Variants in DPP6 observed in about 807,000 individuals in gnomAD.
DPP6 encodes the protein A-type potassium channel modulatory protein DPP6.
DPP6 carries 69 observed loss-of-function variants against 122.6 expected under a neutral mutation model. The observed-to-expected ratio is 0.56, with a 90% confidence interval of 0.46 to 0.69. The LOEUF is 0.69. Ranked by LOEUF, DPP6 falls within the 30% of genes least tolerant of loss-of-function variation. The pLI is 0.00. For missense variants in DPP6, 928 were observed against 1,116.9 expected (o/e 0.83, Z 2.41); for synonymous variants, 418 against 433.1 (o/e 0.97, Z 0.43).
At chr7:154,634,766 C>T (rs796555896) in intron 5 of DPP6, among the ~76,000 whole-genome samples, 8 of 151,962 alleles carry the variant, frequency 5.3e-5, no homozygotes, top group African/African-American at 1.7e-4. Context: ...TAATTGCTCT[C>T]CCCGTTTCTT....
chr7:154,032,270 A>C (rs992880883), intron 1 of DPP6, among the ~76,000 whole-genome samples: 1 of 152,248 alleles, frequency 6.6e-6, no homozygotes, highest in Non-Finnish European at 1.5e-5. Flanking sequence ...AGGACGTTGC[A>C]GGTGGAGGTC....
At chr7:154,294,405 C>G (rs557666792) in intron 1 of DPP6, among the ~76,000 whole-genome samples, 85 of 152,242 alleles carry the variant, frequency 5.6e-4, no homozygotes, top group African/African-American at 1.9e-3. Flanking sequence ...TAGTGGCCTA[C>G]TTGAATGTCA....
intron 4 of DPP6, among the ~76,000 whole-genome samples, chr7:154,558,745 T>G (rs1830215368): frequency 6.6e-6 from 1 of 152,212 alleles, no homozygotes; most frequent in Admixed American, 6.6e-5. Flanking sequence ...TTCTGTGATG[T>G]TTGCACAATG....
chr7:154,637,742 G>A (rs1438041932), intron 5 of DPP6, 79 bp from the exon 6 acceptor site: 2 of 1,436,040 alleles, frequency 1.4e-6, no homozygotes, highest in East Asian at 2.6e-5. Context: ...TGTTTGTTAG[G>A]ATTCACAGTG....
intron 1 of DPP6, among the ~76,000 whole-genome samples, chr7:154,379,942 T>A (rs546702591): frequency 1.7e-3 from 265 of 152,208 alleles, no homozygotes; most frequent in Admixed American, 4.1e-3. Flanking sequence ...AATCTAATCA[T>A]GAGGAAACAA....
chr7:154,038,049 TATA>T (rs1306769393), intron 1 of DPP6, among the ~76,000 whole-genome samples: 16 of 137,900 alleles, frequency 1.2e-4, no homozygotes, highest in Admixed American at 1.2e-3. Context: ...ACATAAAACA[TATA>T]ATGATACATT....
At chr7:154,578,114 A>G (rs1831804412) in intron 5 of DPP6, among the ~76,000 whole-genome samples, 2 of 152,240 alleles carry the variant, frequency 1.3e-5, no homozygotes, top group South Asian at 2.1e-4. Flanking sequence ...GCACAGGGTT[A>G]AAATTAGAAA....
chr7:154,287,129 A>C (rs376450641), intron 1 of DPP6, among the ~76,000 whole-genome samples: 5 of 152,304 alleles, frequency 3.3e-5, no homozygotes, highest in African/African-American at 1.2e-4. Flanking sequence ...ACTTCAGAAA[A>C]GAAAGCATGC....
At position 154,035,920 on chromosome 7, in the gene DPP6, A is replaced by G. The variant is rs1799495422; in HGVS notation, c.51+148186A>G. 2.0e-5 allele frequency among the ~76,000 whole-genome samples: 3 copies of G among 151,932 alleles called. No homozygotes were observed. The South Asian group carries it at 6.2e-4, about 31-fold the overall frequency. On this transcript the variant is annotated intron_variant, in intron 1 of 25. Transcript: ENST00000404039. Reference sequence around the variant, plus strand: ...AACGTAAAGTACTTAAAAAATGAATAGACTGCCTTCCGAATGTGAACTCAC... The same window carrying G: ...AACGTAAAGTACTTAAAAAATGAATGGACTGCCTTCCGAATGTGAACTCAC...
chr7:154,891,384 C>T (rs531848152), intron 25 of DPP6, among the ~76,000 whole-genome samples: 1 of 152,170 alleles, frequency 6.6e-6, no homozygotes, highest in Non-Finnish European at 1.5e-5. Flanking sequence ...AGCCCACATT[C>T]CAGGCCTCAT....
chr7:153,951,195 A>C (rs1802194722), intron 1 of DPP6, among the ~76,000 whole-genome samples: 3 of 152,086 alleles, frequency 2.0e-5, no homozygotes, highest in Non-Finnish European at 4.4e-5. Context: ...GAGAAGTGAA[A>C]ATCAGAGCCC....
chr7:154,687,684 G>A (rs1490598279), intron 7 of DPP6, among the ~76,000 whole-genome samples: 2 of 152,280 alleles, frequency 1.3e-5, no homozygotes, highest in South Asian at 4.1e-4. Flanking sequence ...TTGGCAGGAA[G>A]ATACATTGAT....
In DPP6 at chr7:154,834,242, C is replaced by T. The variant is rs190593413; in HGVS notation, c.1667-19538C>T. ...CAGCACTTTGGGAGGCCGAGGCAGG[C>T]GGATCCCCTTAAGTCAGGAGTTCAA... On this transcript the variant is annotated intron_variant, in intron 16 of 25. Transcript: ENST00000377770. Among the ~76,000 whole-genome samples the T allele has an allele frequency of 7.3e-3, 1,094 of 150,318 alleles. 10 individuals are homozygous for T. The highest frequency in any genetic ancestry group is 0.031 in the Middle Eastern group (9 of 290).
intron 1 of DPP6, among the ~76,000 whole-genome samples, chr7:154,430,983 G>A (rs1475709685): frequency 3.9e-5 from 6 of 152,218 alleles, no homozygotes; most frequent in Non-Finnish European, 7.3e-5. Context: ...TGCTAGAGAG[G>A]TGGATCCTGA....
rs757845557 is a variant in DPP6, at chr7:154,807,081, T to C, written c.1635T>C (p.His545=). ...CCTACTTCAGCGCTTCCTTCAGCCA[T>C]AGCATGGACTTCTTCCTGCTCAAGT... ...NCTYFSASFS[H]SMDFFLLKCE... The change falls in exon 16 of 26, where the codon CAT becomes CAC. Residue 545 remains histidine, a synonymous_variant. Transcript: ENST00000377770. The C allele has an allele frequency of 2.5e-5, 40 of 1,613,572 alleles. No individual in the cohort carries two copies. The highest frequency in any genetic ancestry group is 3.1e-5 in the Non-Finnish European group (37 of 1,179,866).
chr7:154,574,819 TTGTG>T (rs1194437637), intron 5 of DPP6, among the ~76,000 whole-genome samples: 38,696 of 128,918 alleles, frequency 0.3, 5,520 homozygotes, highest in Admixed American at 0.38. Context: ...TGTGATGTGT[TTGTG>T]TGGTGTGTGG....
intron 1 of DPP6, among the ~76,000 whole-genome samples, chr7:154,388,738 G>A (rs1007426911): frequency 2.6e-5 from 4 of 152,158 alleles, no homozygotes; most frequent in African/African-American, 9.7e-5. Flanking sequence ...GGGGTGGTTT[G>A]GGGTGGAGCG....
intron 1 of DPP6, among the ~76,000 whole-genome samples, chr7:154,346,669 G>A (rs1218651879): frequency 1.3e-5 from 2 of 152,182 alleles, no homozygotes; most frequent in African/African-American, 4.8e-5. Context: ...TGGCATTACA[G>A]TGGAGTCACT....
At chr7:154,049,880 C>T (rs538920383), upstream of DPP6, among the ~76,000 whole-genome samples, 1 of 151,978 alleles carries the variant, frequency 6.6e-6, no homozygotes, top group South Asian at 2.1e-4. Flanking sequence ...CCACCGCGCC[C>T]GGCCAGAACA....
Sources: allele counts gnomAD v4.1 joint callset (sites outside exome capture counted in the v4.1 genomes callset), GRCh38; gene constraint gnomAD v4.1.1; transcripts MANE v1.5; gene names NCBI Gene and HGNC (gene_info 2026-07-23, HGNC 2026-07-21).